Variants in UVRAG observed in about 807,000 individuals in gnomAD.
UVRAG encodes UV radiation resistance-associated gene protein.
A neutral mutation model predicts 78.0 loss-of-function variants in UVRAG; 19 were observed. The observed-to-expected ratio is 0.24, with a 90% CI of 0.17 to 0.36. The LOEUF (loss-of-function observed/expected upper bound fraction) is 0.36. UVRAG is among the 10% of genes least tolerant of loss of function. The pLI is 1.00. For missense variants in UVRAG, 740 were observed against 853.8 expected (o/e 0.87, Z 1.66); for synonymous variants, 323 against 324.6 (o/e 1.00, Z 0.05).
Position 76,140,854 on chromosome 11 carries a change from T to C in UVRAG, c.1541T>C (p.Leu514Pro). 1 of 1,614,070 alleles carries C rather than the reference T, an allele frequency of 6.2e-7. No individual in the cohort carries two copies. Reference protein sequence around the residue: ...RKRASSENERLQYKTPPPSYN... With the variant: ...RKRASSENERPQYKTPPPSYN... ...CGGGCCAGCTCTGAGAATGAGAGAC[T>C]TCAGTACAAAACCCCTCCTCCCAGT... Residue 514 changes from leucine to proline, a missense_variant, in exon 15 of 15, where the codon CTT becomes CCT. By Grantham distance (98) the Leu-to-Pro change is moderately conservative. Coordinates refer to ENST00000356136, the MANE Select transcript of UVRAG (RefSeq NM_003369.4).
intron 9 of UVRAG, 78 bp from the exon 10 acceptor site, chr11:76,007,455 AT>A: frequency 8.8e-7 from 1 of 1,132,956 alleles, no homozygotes; most frequent in Admixed American, 2.0e-5. Context: ...CTTTCTTTGG[AT>A]TAATTGTGTG....
intron 3 of UVRAG, chr11:75,878,465 CG>C: frequency 5.8e-6 from 1 of 173,086 alleles, no homozygotes; most frequent in Non-Finnish European, 1.2e-5. Context: ...GGGTGGCGGC[CG>C]GGCAGAGGCT....
intron 13 of UVRAG, among the ~76,000 whole-genome samples, chr11:76,084,515 A>G (rs1283202031): frequency 2.0e-5 from 3 of 152,172 alleles, no homozygotes; most frequent in African/African-American, 7.2e-5. Flanking sequence ...ATTTATTTTT[A>G]AAGTTGTTAA....
intron 13 of UVRAG, among the ~76,000 whole-genome samples, chr11:76,105,623 G>A (rs1006342320): frequency 1.3e-4 from 20 of 151,760 alleles, no homozygotes; most frequent in African/African-American, 3.9e-4. Flanking sequence ...GGTGGCACAC[G>A]CCTGTAGTCC....
intron 4 of UVRAG, among the ~76,000 whole-genome samples, chr11:75,883,009 C>A (rs1188542602): frequency 3.3e-5 from 5 of 152,052 alleles, no homozygotes; most frequent in African/African-American, 1.2e-4. Flanking sequence ...GTACTTGTTG[C>A]CTTTAGACTG....
At chr11:76,017,878 A>C (rs920199107) in intron 12 of UVRAG, among the ~76,000 whole-genome samples, 1 of 152,208 alleles carries the variant, frequency 6.6e-6, no homozygotes, top group Non-Finnish European at 1.5e-5. Context: ...CAGTAAAGGA[A>C]ATACTAAAGG....
intron 8 of UVRAG, among the ~76,000 whole-genome samples, chr11:75,996,701 T>G (rs946656671): frequency 6.6e-6 from 1 of 152,074 alleles, no homozygotes; most frequent in African/African-American, 2.4e-5. Context: ...AGAATGAAAT[T>G]CTCCCCATTT....
intron 5 of UVRAG, among the ~76,000 whole-genome samples, chr11:75,898,914 C>T (rs1288415622): frequency 4.6e-5 from 7 of 152,058 alleles, no homozygotes; most frequent in African/African-American, 1.4e-4. Context: ...TTCCAAAGCA[C>T]GTCCCAAACA....
In UVRAG at chr11:76,063,170, GA is replaced by G. The variant is rs746385714; in HGVS notation, c.1227-2539del. Among the ~76,000 whole-genome samples, 15 of 152,300 alleles carry G rather than the reference GA, an allele frequency of 9.8e-5. No homozygotes were observed. In the East Asian group the frequency reaches 2.5e-3, roughly 25 times the overall value. On this transcript the variant is annotated intron_variant, in intron 12 of 14. Coordinates refer to ENST00000356136, the MANE Select transcript of UVRAG (RefSeq NM_003369.4). Reference sequence around the variant, plus strand: ...TAGCAGTGCGTAGAGACTTGACAGAGAGGCAAAGAGGAAGAAAATAAAATTT... The same window carrying G: ...TAGCAGTGCGTAGAGACTTGACAGAGGGCAAAGAGGAAGAAAATAAAATTT...
chr11:76,112,730 CTTTTTTTTT>C (rs10686022), intron 13 of UVRAG, among the ~76,000 whole-genome samples: 3 of 139,402 alleles, frequency 2.2e-5, no homozygotes, highest in Non-Finnish European at 4.6e-5. Context: ...TTTTTCTTTT[CTTTTTTTTT>C]TTTTGAGACA....
intron 3 of UVRAG, among the ~76,000 whole-genome samples, chr11:75,869,603 T>C (rs905958305): frequency 1.3e-5 from 2 of 152,344 alleles, no homozygotes; most frequent in African/African-American, 4.8e-5. Context: ...CATGGAATTA[T>C]ATGTAGTACC....
chr11:75,854,141 C>T (rs749175898), intron 2 of UVRAG, among the ~76,000 whole-genome samples: 139 of 152,128 alleles, frequency 9.1e-4, no homozygotes, highest in Non-Finnish European at 1.3e-3. Flanking sequence ...TAACAAATAC[C>T]ACAACTCTTA....
intron 6 of UVRAG, among the ~76,000 whole-genome samples, chr11:75,943,362 G>A (rs908220620): frequency 1.4e-5 from 2 of 142,736 alleles, no homozygotes; most frequent in Non-Finnish European, 3.1e-5. Flanking sequence ...CTTTTAAATT[G>A]TAAAAATCTT....
rs147869592 is a variant in UVRAG, at chr11:75,890,752, A to G, written c.507+1849A>G. Among the ~76,000 whole-genome samples the G allele has an allele frequency of 5.3e-3, 806 of 152,304 alleles. 5 individuals are homozygous for G. The highest frequency in any genetic ancestry group is 0.018 in the African/African-American group (764 of 41,568). On this transcript the variant is annotated intron_variant, in intron 5 of 14. Transcript: ENST00000356136. ...ATAAGTGGTGATAAGATGGACTAGGAACAGGCAGTACTGTAGGAAGAAAGG... is the reference window on the plus strand; with the variant it reads ...ATAAGTGGTGATAAGATGGACTAGGGACAGGCAGTACTGTAGGAAGAAAGG...
chr11:76,129,927 T>G (rs1206554711), intron 14 of UVRAG, among the ~76,000 whole-genome samples: 1 of 148,712 alleles, frequency 6.7e-6, no homozygotes, highest in East Asian at 1.9e-4. Context: ...TCTCACACTC[T>G]CTCTCGCTCT....
chr11:75,892,294 T>C (rs1947228287), intron 5 of UVRAG: 1 of 982,932 alleles, frequency 1.0e-6, no homozygotes, highest in Non-Finnish European at 1.2e-6. Flanking sequence ...GAGGAGTGAG[T>C]GGAGGACACA....
chr11:76,010,681 G>T (rs1381234831), intron 11 of UVRAG, among the ~76,000 whole-genome samples: 1 of 152,154 alleles, frequency 6.6e-6, no homozygotes, highest in East Asian at 1.9e-4. Flanking sequence ...TTCTTGTGAT[G>T]ATTGAATGAA....
intron 1 of UVRAG, among the ~76,000 whole-genome samples, chr11:75,850,575 G>A (rs1448837726): frequency 6.6e-6 from 1 of 152,192 alleles, no homozygotes; most frequent in Non-Finnish European, 1.5e-5. Context: ...TATTCCAGAT[G>A]TTTTCAGGTC....
intron 3 of UVRAG, among the ~76,000 whole-genome samples, chr11:75,877,391 G>T (rs1312860180): frequency 2.0e-5 from 3 of 152,076 alleles, no homozygotes; most frequent in East Asian, 3.9e-4. Context: ...GGTGGTGGCT[G>T]GGCAGAGGGG....
Sources: allele counts gnomAD v4.1 joint callset (sites outside exome capture counted in the v4.1 genomes callset), GRCh38; gene constraint gnomAD v4.1.1; transcripts MANE v1.5; gene names NCBI Gene and HGNC (gene_info 2026-07-23, HGNC 2026-07-21).